RBM47: variants seen among roughly 807,000 people sequenced by gnomAD.
RBM47 encodes the protein RNA-binding protein 47.
Under a neutral mutation model 47.1 loss-of-function variants are expected in RBM47, and 21 were observed. The observed-to-expected ratio is 0.45, with a 90% CI of 0.32 to 0.64. RBM47 has a LOEUF of 0.64. RBM47 is among the 30% of genes least tolerant of loss of function. The pLI is 0.05. For missense variants in RBM47, 708 were observed against 870.9 expected (o/e 0.81, Z 2.35); for synonymous variants, 375 against 361.7 (o/e 1.04, Z -0.42).
chr4:40,546,387 T>G (rs994030314), intron 1 of RBM47, among the ~76,000 whole-genome samples: 1 of 152,138 alleles, frequency 6.6e-6, no homozygotes, highest in African/African-American at 2.4e-5. Context: ...TGACCTCATG[T>G]GATCCACCCG....
At chr4:40,515,359 A>G (rs955925460) in intron 2 of RBM47, among the ~76,000 whole-genome samples, 3 of 128,108 alleles carry the variant, frequency 2.3e-5, no homozygotes, top group Non-Finnish European at 3.2e-5. Context: ...CTCATCGGCT[A>G]CTGGAGGACT....
intron 3 of RBM47, among the ~76,000 whole-genome samples, chr4:40,440,412 G>T (rs1713438085): frequency 6.6e-6 from 1 of 152,020 alleles, no homozygotes; most frequent in Admixed American, 6.5e-5. Flanking sequence ...GCCATATAAG[G>T]TTTCATCAAT....
At chr4:40,614,898 C>T (rs1036461592) in intron 1 of RBM47, among the ~76,000 whole-genome samples, 6 of 151,986 alleles carry the variant, frequency 3.9e-5, no homozygotes, top group Non-Finnish European at 7.4e-5. Flanking sequence ...TACTAGATAG[C>T]GCCTCATTTC....
intron 3 of RBM47, among the ~76,000 whole-genome samples, chr4:40,441,151 G>A (rs4861138): frequency 0.41 from 62,455 of 150,940 alleles, 15,096 homozygotes; most frequent in South Asian, 0.63. Context: ...GGGCCAGGCA[G>A]AGTGGCTTGT....
At chr4:40,510,572 G>T (rs531504360) in intron 2 of RBM47, among the ~76,000 whole-genome samples, 1 of 152,236 alleles carries the variant, frequency 6.6e-6, no homozygotes, top group Admixed American at 6.5e-5. Context: ...GACCTGGGAA[G>T]GTCACCTTGA....
intron 2 of RBM47, among the ~76,000 whole-genome samples, chr4:40,525,416 G>A (rs1726604138): frequency 6.6e-6 from 1 of 152,144 alleles, no homozygotes; most frequent in Non-Finnish European, 1.5e-5. Flanking sequence ...GAGTGAGACT[G>A]TCACAAACAA....
At chr4:40,570,698 TA>T (rs1234134414) in intron 1 of RBM47, among the ~76,000 whole-genome samples, 2 of 151,962 alleles carry the variant, frequency 1.3e-5, no homozygotes, top group African/African-American at 4.8e-5. Flanking sequence ...TAAATTTAAA[TA>T]AATACTGCAT....
chr4:40,532,649 C>A (rs540636737), intron 2 of RBM47, among the ~76,000 whole-genome samples: 1 of 135,216 alleles, frequency 7.4e-6, no homozygotes, highest in Non-Finnish European at 1.5e-5. Context: ...TTTTTTTTTT[C>A]TTTTTAAATA....
chr4:40,536,617 T>C (rs1728008771), intron 2 of RBM47, among the ~76,000 whole-genome samples: 1 of 152,178 alleles, frequency 6.6e-6, no homozygotes, highest in Non-Finnish European at 1.5e-5. Flanking sequence ...TAGACAGGCC[T>C]CCTTTTGTAG....
At position 40,611,387 on chromosome 4, in the gene RBM47, T is replaced by C. The variant is rs1409212935; in HGVS notation, c.-240+18009A>G. Among the ~76,000 whole-genome samples, 4 of 152,272 alleles carry C rather than the reference T, an allele frequency of 2.6e-5. No individual in the cohort carries two copies. In the East Asian group the frequency reaches 7.7e-4, roughly 29 times the overall value. On this transcript the variant is annotated intron_variant, in intron 1 of 6. Transcript: ENST00000295971. Reference sequence around the variant, plus strand: ...TGACACAGAACCTGTATCCACTCAATGAATAAATGGCTGGAGTTGTTGCTA... The same window carrying C: ...TGACACAGAACCTGTATCCACTCAACGAATAAATGGCTGGAGTTGTTGCTA...
intron 2 of RBM47, among the ~76,000 whole-genome samples, chr4:40,469,102 A>G (rs1718471859): frequency 6.6e-6 from 1 of 152,246 alleles, no homozygotes; most frequent in African/African-American, 2.4e-5. Flanking sequence ...AAATATTTAT[A>G]AAGCACCATT....
intron 6 of RBM47, among the ~76,000 whole-genome samples, chr4:40,430,005 T>C (rs1223443949): frequency 6.6e-6 from 1 of 151,746 alleles, no homozygotes; most frequent in Admixed American, 6.6e-5. Flanking sequence ...CCATCCTGGC[T>C]AACAGGTGAA....
intron 2 of RBM47, chr4:40,544,183 C>T (rs973867131): frequency 1.3e-5 from 2 of 152,184 alleles, no homozygotes; most frequent in Non-Finnish European, 2.9e-5. Flanking sequence ...CATTCAAATA[C>T]ACCTCTGTCA....
At chr4:40,432,893 C>A in intron 5 of RBM47, 31 bp from the exon 6 acceptor site, 4 of 1,611,408 alleles carry the variant, frequency 2.5e-6, no homozygotes, top group Non-Finnish European at 2.5e-6. Context: ...AAAAACAGGT[C>A]AATCACTTTC....
At chr4:40,569,232 T>C (rs1448068759) in intron 1 of RBM47, among the ~76,000 whole-genome samples, 2 of 151,722 alleles carry the variant, frequency 1.3e-5, no homozygotes, top group Non-Finnish European at 2.9e-5. Context: ...GAGAATACCA[T>C]AGAGTGAAAT....
intron 2 of RBM47, among the ~76,000 whole-genome samples, chr4:40,501,502 C>T (rs28592281): frequency 0.083 from 12,644 of 152,248 alleles, 846 homozygotes; most frequent in African/African-American, 0.18. Context: ...GCGTCTGCAC[C>T]GTCTAATACA....
At chr4:40,556,660 C>T (rs990448486) in intron 1 of RBM47, among the ~76,000 whole-genome samples, 3 of 151,918 alleles carry the variant, frequency 2.0e-5, no homozygotes, top group Non-Finnish European at 2.9e-5. Flanking sequence ...GAGACTGAGG[C>T]GGGAGGATCA....
chr4:40,597,364 G>C (rs1014041211), intron 1 of RBM47, among the ~76,000 whole-genome samples: 1 of 152,210 alleles, frequency 6.6e-6, no homozygotes, highest in Non-Finnish European at 1.5e-5. Context: ...GGGAGGCTGA[G>C]GGGAGCGGAT....
chr4:40,510,413 G>C (rs578200185), intron 2 of RBM47, among the ~76,000 whole-genome samples: 2 of 151,980 alleles, frequency 1.3e-5, no homozygotes, highest in African/African-American at 4.8e-5. Flanking sequence ...TTTTGAACAC[G>C]TGGGATATGC....
Sources: allele counts gnomAD v4.1 joint callset (sites outside exome capture counted in the v4.1 genomes callset), GRCh38; gene constraint gnomAD v4.1.1; transcripts MANE v1.5; gene names NCBI Gene and HGNC (gene_info 2026-07-23, HGNC 2026-07-21).